The following IGHMBP2 variants were observed in gnomAD, a reference collection of about 807,000 sequenced individuals.
The protein encoded by IGHMBP2 is immunoglobulin mu DNA binding protein 2.
IGHMBP2 carries 81 observed loss-of-function variants against 96.0 expected under a neutral mutation model. The ratio of observed to expected loss-of-function variants is 0.84; its 90% CI spans 0.71 to 1.01. The LOEUF (loss-of-function observed/expected upper bound fraction) is 1.01, where lower values mean the gene tolerates loss of function less well. Ranked by LOEUF, IGHMBP2 falls within the 50% of genes least tolerant of loss-of-function variation. The pLI, the probability that IGHMBP2 is intolerant of heterozygous loss-of-function variation, is 0.00. For missense variants in IGHMBP2, 1,227 were observed against 1,306.3 expected (o/e 0.94, Z 0.94); for synonymous variants, 557 against 548.9 (o/e 1.01, Z -0.21).
Position 68,929,458 on chromosome 11 carries a change from G to A in IGHMBP2, c.1235+101G>A, listed in dbSNP as rs944714108. 18 of 1,138,212 alleles carry A rather than the reference G, an allele frequency of 1.6e-5. No individual in the cohort carries two copies. In the East Asian group the frequency reaches 3.1e-4, roughly 20 times the overall value. 70.5% of individuals were successfully genotyped at this position (1,138,212 alleles called of 1,614,324 possible). On this transcript the variant is annotated intron_variant, in intron 8 of 14. Transcript: ENST00000255078. ...CAGGCTCACCAGGAGCCCCTGCGGT[G>A]CCTCCTCGGTTTCTCGGCACAGCTC...
intron 5 of IGHMBP2, 36 bp downstream of exon 5, chr11:68,911,639 T>C (rs1381128747): frequency 6.2e-7 from 1 of 1,607,448 alleles, no homozygotes; most frequent in Non-Finnish European, 8.5e-7. Context: ...TCAGAGCCCG[T>C]CCGCTCCTGG....
At chr11:68,927,711 C>T (rs1859126297) in intron 7 of IGHMBP2, among the ~76,000 whole-genome samples, 1 of 152,188 alleles carries the variant, frequency 6.6e-6, no homozygotes, top group Non-Finnish European at 1.5e-5. Context: ...TGACAGACAC[C>T]ACCAGGGAAA....
chr11:68,905,106 T>C (rs1858137488), intron 1 of IGHMBP2, among the ~76,000 whole-genome samples: 1 of 152,088 alleles, frequency 6.6e-6, no homozygotes, highest in African/African-American at 2.4e-5. Flanking sequence ...GCAGTGTAGG[T>C]TTCTGTTACT....
rs776484269 is a variant in IGHMBP2, at chr11:68,936,750, G to A, written c.2270G>A (p.Arg757Gln). The change falls in exon 13 of 15, where the codon CGG (arginine) becomes CAG (glutamine). Residue 757 changes from arginine to glutamine, a missense_variant. Transcript: ENST00000255078. ...PPSLNSHDRLRVHQIAEEHGL... is the reference protein window; with the variant it reads ...PPSLNSHDRLQVHQIAEEHGL... ...TCCCTCAATTCCCACGACAGGCTGC[G>A]GGTCCACCAAATAGCCGAGGAGCAC... 26 of 1,613,954 alleles carry A rather than the reference G, an allele frequency of 1.6e-5. No individual in the cohort carries two copies. Among genetic ancestry groups the A allele is most frequent in the East Asian group, 1.1e-4 (5 of 44,898 alleles).
At chr11:68,927,493 A>G (rs1156828935) in intron 7 of IGHMBP2, among the ~76,000 whole-genome samples, 5 of 152,202 alleles carry the variant, frequency 3.3e-5, no homozygotes, top group African/African-American at 1.2e-4. Context: ...TGAGCCACAG[A>G]TGAGAGCTGA....
Position 68,918,860 on chromosome 11 carries a change from T to A in IGHMBP2, c.1060+977T>A, listed in dbSNP as rs867668868. ...GAACCAGCTTTTGCTTTTTCTCTATTGTTTTTCTGTTTCATGTATTTCCAC... is the reference window on the plus strand; with the variant it reads ...GAACCAGCTTTTGCTTTTTCTCTATAGTTTTTCTGTTTCATGTATTTCCAC... On this transcript the variant is annotated intron_variant, in intron 7 of 14. Coordinates refer to ENST00000255078, the MANE Select transcript of IGHMBP2 (RefSeq NM_002180.3). Among the ~76,000 whole-genome samples the A allele has an allele frequency of 3.3e-4, 50 of 152,302 alleles. 1 individual carries two copies. Among genetic ancestry groups the A allele is most frequent in the African/African-American group, 1.1e-3 (46 of 41,568 alleles).
Position 68,903,937 on chromosome 11 carries a change from C to G in IGHMBP2, c.-16C>G. The G allele has an allele frequency of 3.2e-6, 5 of 1,586,806 alleles. No homozygotes were observed. The highest frequency in any genetic ancestry group is 4.3e-6 in the Non-Finnish European group (5 of 1,166,824). On this transcript the variant is annotated 5_prime_UTR_variant, in exon 1 of 15. Transcript: ENST00000255078. Reference sequence around the variant, plus strand: ...AGCGGGACGTCGGCTTCTAGGGGCCCAGGCCGGCGGCGGCGATGGCCTCGG... The same window carrying G: ...AGCGGGACGTCGGCTTCTAGGGGCCGAGGCCGGCGGCGGCGATGGCCTCGG...
At chr11:68,907,290 T>C (rs544601107) in intron 2 of IGHMBP2, among the ~76,000 whole-genome samples, 25 of 152,252 alleles carry the variant, frequency 1.6e-4, no homozygotes, top group Middle Eastern at 3.4e-3. Flanking sequence ...AAAAACTACA[T>C]GTGACTCTCT....
rs74565245 is a variant in IGHMBP2, at chr11:68,910,856, C to G, written c.548-584C>G. Among the ~76,000 whole-genome samples the G allele has an allele frequency of 3.0e-3, 443 of 146,172 alleles. 2 individuals carry two copies. Among genetic ancestry groups the G allele is most frequent in the African/African-American group, 0.011 (419 of 39,352 alleles). On this transcript the variant is annotated intron_variant, in intron 4 of 14. Transcript: ENST00000255078. ...TGAGATCATGCCATTGCACTCCAGC[C>G]TGGGTGACAAGCAAGACTCCATCTC...
At chr11:68,907,415 C>T (rs1196226677) in intron 2 of IGHMBP2, among the ~76,000 whole-genome samples, 1 of 152,118 alleles carries the variant, frequency 6.6e-6, no homozygotes, top group Non-Finnish European at 1.5e-5. Context: ...CTTGTGCCAG[C>T]CTGGTTGGAA....
chr11:68,936,766 C>T lies in IGHMBP2; in HGVS notation c.2286C>T (p.Ala762=), dbSNP rs149684358. Reference sequence around the variant, plus strand: ...ACAGGCTGCGGGTCCACCAAATAGCCGAGGAGCACGGGCTGAGGCACGACA... The same window carrying T: ...ACAGGCTGCGGGTCCACCAAATAGCTGAGGAGCACGGGCTGAGGCACGACA... ...SHDRLRVHQI[A]EEHGLRHDSS... Residue 762 remains alanine (A), a synonymous_variant, in exon 13 of 15, where the codon GCC becomes GCT. Transcript: ENST00000255078. 118 of 1,614,072 alleles carry T rather than the reference C, an allele frequency of 7.3e-5. 1 individual carries two copies. Among genetic ancestry groups the T allele is most frequent in the Non-Finnish European group, 2.8e-5 (33 of 1,180,042 alleles).
At chr11:68,905,832 GAATGCT>G (rs372932497) in intron 1 of IGHMBP2, among the ~76,000 whole-genome samples, 1 of 152,286 alleles carries the variant, frequency 6.6e-6, no homozygotes, top group Non-Finnish European at 1.5e-5. Flanking sequence ...GGAGAGAGGG[GAATGCT>G]GATTGAAAGA....
intron 8 of IGHMBP2, among the ~76,000 whole-genome samples, chr11:68,931,625 T>G (rs1437831998): frequency 6.6e-6 from 1 of 152,056 alleles, no homozygotes; most frequent in Admixed American, 6.6e-5. Flanking sequence ...TCCCACTGGC[T>G]TCATGGAGTG....
chr11:68,904,164 A>C, intron 1 of IGHMBP2, 126 bp downstream of exon 1: 1 of 807,456 alleles, frequency 1.2e-6, no homozygotes, highest in South Asian at 1.5e-5. Flanking sequence ...AGTCAGGGGC[A>C]GGGATCGTCC....
chr11:68,904,278 C>T lies in IGHMBP2; in HGVS notation c.86+240C>T, dbSNP rs73522953. On this transcript the variant is annotated intron_variant, in intron 1 of 14. Coordinates refer to ENST00000255078, the MANE Select transcript of IGHMBP2 (RefSeq NM_002180.3). ...AGCACTTTGATTTCCCGACCCGAGA[C>T]CCCCCACTAAGCTTACACTCCTGGG... Among the ~76,000 whole-genome samples the T allele has an allele frequency of 0.045, 6,778 of 152,192 alleles. 505 individuals are homozygous for T. The highest frequency in any genetic ancestry group is 0.15 in the African/African-American group (6,343 of 41,494).
At chr11:68,915,620 C>CT (rs1186373852) in intron 6 of IGHMBP2, among the ~76,000 whole-genome samples, 2 of 151,860 alleles carry the variant, frequency 1.3e-5, no homozygotes, top group African/African-American at 4.8e-5. Context: ...GTAGCTAGGA[C>CT]TACAGGCATG....
Position 68,908,489 on chromosome 11 carries a change from G to A in IGHMBP2, c.450-45G>A, listed in dbSNP as rs760233687. On this transcript the variant is annotated intron_variant, in intron 3 of 14. Coordinates refer to ENST00000255078, the MANE Select transcript of IGHMBP2 (RefSeq NM_002180.3). Reference sequence around the variant, plus strand: ...TGGCAGCATTGGGGCAGAGGCTCGGGCACTGAATTGCAGGTGTTCTAATTT... The same window carrying A: ...TGGCAGCATTGGGGCAGAGGCTCGGACACTGAATTGCAGGTGTTCTAATTT... 12 of 1,514,616 alleles carry A rather than the reference G, an allele frequency of 7.9e-6. 1 individual carries two copies. The Admixed American group carries it at 1.8e-4, about 23-fold the overall frequency. 93.8% of individuals were successfully genotyped at this position (1,514,616 alleles called of 1,614,324 possible).
At position 68,936,619 on chromosome 11, in the gene IGHMBP2, C is replaced by G. The variant is rs199879444; in HGVS notation, c.2139C>G (p.Asn713Lys). 1.2e-6 allele frequency: 2 copies of G among 1,613,562 alleles called. No individual in the cohort carries two copies. The highest frequency in any genetic ancestry group is 1.1e-5 in the South Asian group (1 of 91,084). ...AAGCTCCATCTCAGCCCAGCCTCAA[C>G]GGAGGCAGCCCAGAGGGAGTGGAGA... ...ASEAPSQPSL[N>K]GGSPEGVESQ... The change falls in exon 13 of 15, where the codon AAC becomes AAG. Residue 713 changes from asparagine (N) to lysine (K), a missense_variant. By Grantham distance (94) the Asn-to-Lys change is moderately conservative. Coordinates refer to ENST00000255078, the MANE Select transcript of IGHMBP2 (RefSeq NM_002180.3).
In IGHMBP2 at chr11:68,936,776, G is replaced by T. The variant is rs201989968; in HGVS notation, c.2296G>T (p.Gly766Trp). The change falls in exon 13 of 15, where the codon GGG becomes TGG. Residue 766 changes from glycine (G) to tryptophan (W), a missense_variant. By Grantham distance (184) the Gly-to-Trp change is radical (BLOSUM62 -2). Coordinates refer to ENST00000255078, the MANE Select transcript of IGHMBP2 (RefSeq NM_002180.3). ...LRVHQIAEEH[G>W]LRHDSSGEGK... ...GGTCCACCAAATAGCCGAGGAGCAC[G>T]GGCTGAGGCACGACAGTTCCGGGGA... 6.2e-7 allele frequency: 1 copy of T among 1,614,066 alleles called. No individual in the cohort carries two copies.
Sources: gnomAD v4.1 joint callset for allele counts (sites outside exome capture counted in the v4.1 genomes callset) on GRCh38, gnomAD v4.1.1 for gene constraint, MANE v1.5 for transcripts, NCBI Gene and HGNC (gene_info 2026-07-23, HGNC 2026-07-21) for gene names.